The following CIP2A variants were observed in gnomAD, a reference collection of about 807,000 sequenced individuals.
CIP2A encodes cellular inhibitor of PP2A.
Under a neutral mutation model 110.9 loss-of-function variants are expected in CIP2A, and 103 were observed. The ratio of observed to expected loss-of-function variants is 0.93; its 90% CI spans 0.79 to 1.09. The LOEUF is 1.09. CIP2A is among the 50% of genes least tolerant of loss of function. The pLI is 0.00. For synonymous variants in CIP2A, 381 were observed against 361.6 expected (o/e 1.05, Z -0.61); for missense variants, 1,088 against 1,038.4 (o/e 1.05, Z -0.66).
intron 8 of CIP2A, among the ~76,000 whole-genome samples, chr3:108,571,168 C>T (rs1049460894): frequency 6.6e-6 from 1 of 152,118 alleles, no homozygotes; most frequent in African/African-American, 2.4e-5. Context: ...TCTGGAATAC[C>T]TCCTGAAAGA....
intron 14 of CIP2A, among the ~76,000 whole-genome samples, chr3:108,560,421 C>T (rs1360631938): frequency 6.6e-6 from 1 of 152,174 alleles, no homozygotes; most frequent in Non-Finnish European, 1.5e-5. Flanking sequence ...AATCTACCCT[C>T]CTTGGCCTCC....
At chr3:108,553,916 A>AAAAAAAAAAAAAAAAAAAAAAAAAAAAAC (rs1937692913) in intron 18 of CIP2A, among the ~76,000 whole-genome samples, 186 bp from the exon 19 acceptor site, 1 of 142,718 alleles carries the variant, frequency 7.0e-6, no homozygotes, top group Admixed American at 7.0e-5. Context: ...AAAAAAAAAA[A>AAAAAAAAAAAAAAAAAAAAAAAAAAAAAC]AAAGGTCTCG....
At chr3:108,555,279 T>C (rs916055994) in intron 17 of CIP2A, among the ~76,000 whole-genome samples, 27 of 152,296 alleles carry the variant, frequency 1.8e-4, no homozygotes, top group African/African-American at 6.5e-4. Context: ...AGGTATCCCC[T>C]TTTTAGGAGG....
intron 8 of CIP2A, 147 bp downstream of exon 8, chr3:108,576,124 A>G: frequency 1.9e-6 from 1 of 520,636 alleles, no homozygotes; most frequent in Non-Finnish European, 3.4e-6. Context: ...CTACATCCTG[A>G]TCTAGACACT....
chr3:108,570,162 G>A (rs1283870028), intron 8 of CIP2A, among the ~76,000 whole-genome samples: 1 of 151,452 alleles, frequency 6.6e-6, no homozygotes, highest in Non-Finnish European at 1.5e-5. Flanking sequence ...CCATCAACCA[G>A]TTTATTAGAT....
At position 108,554,484 on chromosome 3, in the gene CIP2A, T is replaced by A; in HGVS notation, c.2216A>T (p.Glu739Val). The A allele has an allele frequency of 7.5e-7, 1 of 1,324,684 alleles. No individual in the cohort carries two copies. Among genetic ancestry groups the A allele is most frequent in the Non-Finnish European group, 1.1e-6 (1 of 937,626 alleles). The allele number at this position is 1,324,684 out of a possible 1,614,324, so 82.1% of individuals were successfully genotyped here. A position where few individuals can be genotyped will look rare whatever the true frequency, so the allele number is the denominator to read the frequency against. Residue 739 changes from glutamate to valine, a missense_variant, in exon 18 of 21, where the codon GAA (glutamate) becomes GTA (valine). Glu to Val is a moderately radical substitution (Grantham distance 121). Transcript: ENST00000295746. ...KSYMELLQRN[E>V]STEKKNKDLQ... is the part of the protein sequence containing the mutation. Reference sequence around the variant, plus strand: ...ATCTTTATTCTTCTTTTCAGTACTTTCATTTCTGAAAAGACAAGAAAATGA... The same window carrying A: ...ATCTTTATTCTTCTTTTCAGTACTTACATTTCTGAAAAGACAAGAAAATGA...
intron 5 of CIP2A, among the ~76,000 whole-genome samples, chr3:108,581,163 C>T (rs1337630414): frequency 2.0e-5 from 3 of 152,140 alleles, no homozygotes; most frequent in Non-Finnish European, 2.9e-5. Context: ...AATGGGATGC[C>T]ATGCTGAGGA....
In CIP2A at chr3:108,566,496, C is replaced by A. The variant is rs199889990; in HGVS notation, c.1415+1G>T. On this transcript the variant is annotated splice_donor_variant, in intron 11 of 20. Transcript: ENST00000295746. LOFTEE classifies it high-confidence loss of function. The stretch of plus-strand genomic sequence containing the variant: ...TTTGTCATTAGAGTTTATATACTCA[C>A]CATAATTCAGAATCTGCAACCTTTG... 5 of 1,605,404 alleles carry A rather than the reference C, an allele frequency of 3.1e-6. No homozygotes were observed. Among genetic ancestry groups the A allele is most frequent in the Non-Finnish European group, 8.5e-7 (1 of 1,175,960 alleles).
At chr3:108,579,229 C>T (rs1938779659) in intron 7 of CIP2A, 52 bp downstream of exon 7, 1 of 1,329,210 alleles carries the variant, frequency 7.5e-7, no homozygotes, top group Admixed American at 1.9e-5. Flanking sequence ...ATAACCAACA[C>T]ATCTTGGTTT....
At chr3:108,575,258 G>A (rs1039894849) in intron 8 of CIP2A, among the ~76,000 whole-genome samples, 4 of 151,450 alleles carry the variant, frequency 2.6e-5, no homozygotes, top group Non-Finnish European at 4.4e-5. Flanking sequence ...AAATATATAT[G>A]TACATGTGTA....
At chr3:108,568,711 T>G (rs1938270982) in intron 9 of CIP2A, among the ~76,000 whole-genome samples, 1 of 152,040 alleles carries the variant, frequency 6.6e-6, no homozygotes, top group African/African-American at 2.4e-5. Context: ...TCAAAGGGCT[T>G]TTTAAATGTT....
At chr3:108,563,524 G>A (rs756726738) in intron 12 of CIP2A, among the ~76,000 whole-genome samples, 10 of 151,864 alleles carry the variant, frequency 6.6e-5, no homozygotes, top group South Asian at 4.2e-4. Context: ...ATATATTTTC[G>A]TGGATTAAAA....
intron 7 of CIP2A, among the ~76,000 whole-genome samples, chr3:108,577,727 G>A (rs925675714): frequency 2.6e-5 from 4 of 151,896 alleles, no homozygotes; most frequent in Admixed American, 1.3e-4. Context: ...GGTGAAACCC[G>A]TTTTCTACTA....
At chr3:108,584,188 G>A (rs1268714753) in intron 2 of CIP2A, among the ~76,000 whole-genome samples, 1 of 152,124 alleles carries the variant, frequency 6.6e-6, no homozygotes, top group Non-Finnish European at 1.5e-5. Context: ...AAAGACAGTT[G>A]ACTGTCCACT....
In CIP2A at chr3:108,585,173, T is replaced by A. The variant is rs1228921077; in HGVS notation, c.142A>T (p.Asn48Tyr). Residue 48 changes from asparagine to tyrosine, a missense_variant, in exon 2 of 21, where the codon AAT (asparagine) becomes TAT (tyrosine). Asn to Tyr is a moderately radical substitution (Grantham distance 143). Coordinates refer to ENST00000295746, the MANE Select transcript of CIP2A (RefSeq NM_020890.3). ...AAGCATTCACTTGTTAATATCTGATTTGATGTAAATAGTCGTGTGAGTTTC... is the reference window on the plus strand; with the variant it reads ...AAGCATTCACTTGTTAATATCTGATATGATGTAAATAGTCGTGTGAGTTTC... ...GQKLTRLFTS[N>Y]QILTSECLSC... 1 of 1,612,970 alleles carries A rather than the reference T, an allele frequency of 6.2e-7. No homozygotes were observed. The highest frequency in any genetic ancestry group is 1.7e-5 in the Admixed American group (1 of 59,958).
At position 108,565,431 on chromosome 3, in the gene CIP2A, A is replaced by G; in HGVS notation, c.1439T>C (p.Leu480Ser). The change falls in exon 12 of 21, where the codon TTG (leucine) becomes TCG (serine). Residue 480 changes from leucine (L) to serine (S), a missense_variant. By Grantham distance (145) the Leu-to-Ser change is moderately radical. Coordinates refer to ENST00000295746, the MANE Select transcript of CIP2A (RefSeq NM_020890.3). ...ELCKLAADVILKTLDLINKLK... is the reference protein window; with the variant it reads ...ELCKLAADVISKTLDLINKLK... Reference sequence around the variant, plus strand: ...TTTGTTAATCAAATCAAGAGTTTTCAAAATTACATCAGCAGCAAGTTTGCT... The same window carrying G: ...TTTGTTAATCAAATCAAGAGTTTTCGAAATTACATCAGCAGCAAGTTTGCT... 1.9e-6 allele frequency: 3 copies of G among 1,593,130 alleles called. No homozygotes were observed. The highest frequency in any genetic ancestry group is 2.6e-6 in the Non-Finnish European group (3 of 1,168,412).
intron 7 of CIP2A, among the ~76,000 whole-genome samples, chr3:108,578,482 C>G (rs1227924172): frequency 1.4e-5 from 2 of 144,634 alleles, no homozygotes; most frequent in Non-Finnish European, 3.1e-5. Context: ...TCAAGTTTGC[C>G]CTAGTGCTTA....
At position 108,551,304 on chromosome 3, in the gene CIP2A, CCTCT is replaced by C; in HGVS notation, c.2559_2562del (p.Glu854PhefsTer6). The C allele has an allele frequency of 1.2e-6, 2 of 1,608,278 alleles. No individual in the cohort carries two copies. Among genetic ancestry groups the C allele is most frequent in the Non-Finnish European group, 1.7e-6 (2 of 1,176,734 alleles). On this transcript the variant is annotated frameshift_variant, in exon 21 of 21. Transcript: ENST00000295746. LOFTEE classifies it high-confidence loss of function. ...CGACCTTCTAATTGTGCCTTTTGAA[CCTCT>C]AGGGAGGAAGCCTAAGGAATTGGGG... is the stretch of plus-strand genomic sequence containing the variant.
intron 3 of CIP2A, 98 bp from the exon 4 acceptor site, chr3:108,582,300 T>C (rs1938909598): frequency 2.1e-6 from 1 of 485,506 alleles, no homozygotes; most frequent in Admixed American, 3.5e-5. Context: ...TCCTTTTCCA[T>C]TTCCTAAAAC....
Sources: gnomAD v4.1 joint callset for allele counts (sites outside exome capture counted in the v4.1 genomes callset) on GRCh38, gnomAD v4.1.1 for gene constraint, MANE v1.5 for transcripts, NCBI Gene and HGNC (gene_info 2026-07-23, HGNC 2026-07-21) for gene names.